Variants in DAB1 observed in about 807,000 individuals in gnomAD.
The protein encoded by DAB1 is DAB adaptor protein 1.
DAB1 carries 15 observed loss-of-function variants against 64.6 expected under a neutral mutation model. The ratio of observed to expected loss-of-function variants is 0.23; its 90% confidence interval spans 0.16 to 0.36. The LOEUF (loss-of-function observed/expected upper bound fraction) is 0.36, where lower values mean the gene tolerates loss of function less well. DAB1 is among the 10% of genes least tolerant of loss of function. The pLI, the probability that DAB1 is intolerant of heterozygous loss-of-function variation, is 1.00. For synonymous variants in DAB1, 235 were observed against 251.9 expected (o/e 0.93, Z 0.64); for missense variants, 596 against 706.7 (o/e 0.84, Z 1.78).
intron 5 of DAB1, among the ~76,000 whole-genome samples, chr1:57,897,280 G>T (rs971152782): frequency 2.6e-5 from 4 of 152,230 alleles, no homozygotes; most frequent in African/African-American, 4.8e-5. Flanking sequence ...GCAAGTAATT[G>T]TTGCCCATGG....
chr1:58,211,086 G>A (rs775729694), intron 4 of DAB1, among the ~76,000 whole-genome samples: 3 of 152,084 alleles, frequency 2.0e-5, no homozygotes. Context: ...AGGTGAGGAG[G>A]ACAGGAGATG....
At chr1:57,243,421 T>C (rs1283266924) in intron 2 of DAB1, among the ~76,000 whole-genome samples, 2 of 152,138 alleles carry the variant, frequency 1.3e-5, no homozygotes, top group African/African-American at 2.4e-5. Flanking sequence ...CTCAACTCTC[T>C]GTTTCATTTA....
chr1:57,859,948 G>A (rs1020373678), intron 1 of DAB1, among the ~76,000 whole-genome samples: 7 of 152,150 alleles, frequency 4.6e-5, no homozygotes, highest in African/African-American at 1.7e-4. Flanking sequence ...AATAGACTTA[G>A]GTCACTTCTT....
At chr1:57,347,276 C>T (rs1021510103) in intron 1 of DAB1, among the ~76,000 whole-genome samples, 1 of 152,222 alleles carries the variant, frequency 6.6e-6, no homozygotes, top group Non-Finnish European at 1.5e-5. Context: ...TCTTCAGCTT[C>T]CTCACTTTAT....
At chr1:57,624,383 A>T (rs1189041235) in intron 7 of DAB1, among the ~76,000 whole-genome samples, 3 of 152,176 alleles carry the variant, frequency 2.0e-5, no homozygotes, top group Non-Finnish European at 4.4e-5. Context: ...TTGAGTTTCC[A>T]TATGGGTGAA....
At chr1:57,713,077 T>G (rs979106437) in intron 6 of DAB1, among the ~76,000 whole-genome samples, 1 of 152,226 alleles carries the variant, frequency 6.6e-6, no homozygotes, top group Non-Finnish European at 1.5e-5. Context: ...TACAAGCACA[T>G]GTTTCCATCA....
At chr1:57,910,616 C>T (rs958396927) in intron 5 of DAB1, among the ~76,000 whole-genome samples, 6 of 152,200 alleles carry the variant, frequency 3.9e-5, no homozygotes, top group African/African-American at 7.2e-5. Context: ...CCTGGAGCCA[C>T]GTCGTGGCCT....
chr1:58,113,651 T>A (rs1234648559), intron 5 of DAB1, among the ~76,000 whole-genome samples: 1 of 151,512 alleles, frequency 6.6e-6, no homozygotes, highest in Non-Finnish European at 1.5e-5. Flanking sequence ...ATTAACACAC[T>A]CCCTAAGCAG....
intron 5 of DAB1, among the ~76,000 whole-genome samples, chr1:57,944,456 C>A (rs1008400638): frequency 6.6e-6 from 1 of 152,176 alleles, no homozygotes; most frequent in East Asian, 1.9e-4. Context: ...ATATGTCCCA[C>A]AAGATACTAT....
chr1:58,358,495 G>A (rs1347901245), intron 3 of DAB1, among the ~76,000 whole-genome samples: 1 of 152,174 alleles, frequency 6.6e-6, no homozygotes, highest in East Asian at 1.9e-4. Flanking sequence ...AAGCAAACAA[G>A]TCAATTAAAC....
rs372292016 is a variant in DAB1 at position 58,534,078 on chromosome 1, T to C, written n.33-6743A>G. On this transcript the variant is annotated intron_variant and non_coding_transcript_variant, in intron 1 of 20. Transcript: ENST00000485760. ...TGTCCATTCTGCACCACAAAGAAAA[T>C]AATGTAAGCAATTAGAACATCATAA... The C allele has an allele frequency of 2.0e-5, 17 of 868,890 alleles. No homozygotes were observed. The East Asian group carries it at 3.6e-4, about 18-fold the overall frequency. The allele number at this position is 868,890 out of a possible 1,614,324, so 53.8% of individuals were successfully genotyped here.
chr1:58,129,108 G>A (rs1252775083), intron 5 of DAB1, among the ~76,000 whole-genome samples: 14 of 149,610 alleles, frequency 9.4e-5, no homozygotes, highest in African/African-American at 2.2e-4. Context: ...TGGTTGGTAA[G>A]CTATTGATTA....
At chr1:57,856,713 G>A (rs985014443) in intron 1 of DAB1, among the ~76,000 whole-genome samples, 9 of 152,046 alleles carry the variant, frequency 5.9e-5, no homozygotes, top group Non-Finnish European at 8.8e-5. Context: ...GCCATGAGCC[G>A]AGATCATGCC....
chr1:57,460,251 C>T (rs1294979103), intron 7 of DAB1, among the ~76,000 whole-genome samples: 2 of 152,214 alleles, frequency 1.3e-5, no homozygotes, highest in African/African-American at 4.8e-5. Context: ...TCGTCCCCAT[C>T]CCCTTGTTTG....
At position 57,152,074 on chromosome 1, in the gene DAB1, G is replaced by A. The variant is rs143945716; in HGVS notation, c.68-6645C>T. ...AGTGATCTGCCTGCCTCGGCCTCCC[G>A]AAGTGCTGGCATTACAGGCATAAGC... On this transcript the variant is annotated intron_variant, in intron 2 of 14. Transcript: ENST00000371236. Among the ~76,000 whole-genome samples the A allele has an allele frequency of 9.7e-3, 1,469 of 152,196 alleles. 10 individuals are homozygous for A. Among genetic ancestry groups the A allele is most frequent in the Non-Finnish European group, 0.015 (1,029 of 67,994 alleles).
At chr1:57,565,850 A>C (rs1360799026) in intron 7 of DAB1, among the ~76,000 whole-genome samples, 1 of 152,206 alleles carries the variant, frequency 6.6e-6, no homozygotes, top group Admixed American at 6.5e-5. Flanking sequence ...CCCCACTGTC[A>C]ACATTAGACA....
intron 5 of DAB1, among the ~76,000 whole-genome samples, chr1:57,961,431 T>C (rs769806519): frequency 8.5e-5 from 13 of 152,174 alleles, no homozygotes; most frequent in Non-Finnish European, 4.4e-5. Flanking sequence ...CATCAGGCTT[T>C]CCACAGTCTC....
At chr1:58,533,457 T>A (rs1245390293) in intron 1 of DAB1, among the ~76,000 whole-genome samples, 1 of 137,522 alleles carries the variant, frequency 7.3e-6, no homozygotes, top group Admixed American at 8.0e-5. Context: ...AAAAGCTCAG[T>A]AAACTGTAAA....
At chr1:58,079,641 C>T (rs908599599) in intron 5 of DAB1, among the ~76,000 whole-genome samples, 11 of 150,672 alleles carry the variant, frequency 7.3e-5, no homozygotes, top group Non-Finnish European at 1.3e-4. Context: ...CTGCCTCAGC[C>T]TCCCGAGTAG....
Sources: gnomAD v4.1 joint callset for allele counts (sites outside exome capture counted in the v4.1 genomes callset) on GRCh38, gnomAD v4.1.1 for gene constraint, MANE v1.5 for transcripts, NCBI Gene and HGNC (gene_info 2026-07-23, HGNC 2026-07-21) for gene names.